MYT1L: variants seen among roughly 807,000 people sequenced by gnomAD.
MYT1L encodes myelin transcription factor 1-like protein.
Under a neutral mutation model 126.7 loss-of-function variants are expected in MYT1L, and 12 were observed. That is an observed-to-expected ratio of 0.09 (90% CI 0.06 to 0.15). The LOEUF (loss-of-function observed/expected upper bound fraction) is 0.15. Ranked by LOEUF, MYT1L falls within the 10% of genes least tolerant of loss-of-function variation. The pLI is 1.00. For synonymous variants in MYT1L, 541 were observed against 604.2 expected (o/e 0.90, Z 1.53); for missense variants, 979 against 1,585.2 (o/e 0.62, Z 6.49).
intron 3 of MYT1L, among the ~76,000 whole-genome samples, chr2:2,140,245 T>C (rs2083744618): frequency 6.6e-6 from 1 of 152,112 alleles, no homozygotes; most frequent in African/African-American, 2.4e-5. Context: ...TTTTAAAATG[T>C]GCCATAGCAA....
intron 3 of MYT1L, among the ~76,000 whole-genome samples, chr2:2,129,131 C>T (rs1284296677): frequency 6.6e-6 from 1 of 152,194 alleles, no homozygotes; most frequent in Non-Finnish European, 1.5e-5. Context: ...CGCTAATCCA[C>T]AAACCCAGAG....
chr2:1,910,480 G>C lies in MYT1L; in HGVS notation c.1710-133C>G. 1 of 744,400 alleles carries C rather than the reference G, an allele frequency of 1.3e-6. No individual in the cohort carries two copies. The highest frequency in any genetic ancestry group is 2.3e-6 in the Non-Finnish European group (1 of 439,256). The allele number at this position is 744,400 out of a possible 1,614,324, so 46.1% of individuals were successfully genotyped here. A position where few individuals can be genotyped will look rare whatever the true frequency, so the allele number is the denominator to read the frequency against. On this transcript the variant is annotated intron_variant, in intron 12 of 24. Transcript: ENST00000647738. The surrounding 1 kb of genome is among the most constrained non-coding windows in gnomAD (Gnocchi z 4.8). ...GGGTAGTTTCCCAAACCTGGCACAGGCAGTCCTGATGGGTGGACTGGGAGA... is the reference window on the plus strand; with the variant it reads ...GGGTAGTTTCCCAAACCTGGCACAGCCAGTCCTGATGGGTGGACTGGGAGA...
chr2:1,910,555 A>T lies in MYT1L; in HGVS notation c.1710-208T>A, dbSNP rs973995028. Among the ~76,000 whole-genome samples the T allele has an allele frequency of 1.3e-5, 2 of 152,192 alleles. No homozygotes were observed. The highest frequency in any genetic ancestry group is 6.5e-5 in the Admixed American group (1 of 15,280). ...TGCATGCTTTCTGCTGGTCTCCAGC[A>T]GAGAATGCTGGCGGCAGTGCTATGT... On this transcript the variant is annotated intron_variant, in intron 12 of 24. Coordinates refer to ENST00000647738, the MANE Select transcript of MYT1L (RefSeq NM_001303052.2). The surrounding 1 kb of genome is among the most constrained non-coding windows in gnomAD (Gnocchi z 4.8).
intron 2 of MYT1L, among the ~76,000 whole-genome samples, chr2:2,283,377 G>A (rs1192004777): frequency 6.6e-6 from 1 of 152,192 alleles, no homozygotes; most frequent in Non-Finnish European, 1.5e-5. Context: ...CTCTCTGGCA[G>A]TTTGACGTTA....
At chr2:1,794,283 C>T (rs1404585943) in intron 23 of MYT1L, among the ~76,000 whole-genome samples, 4 of 152,358 alleles carry the variant, frequency 2.6e-5, no homozygotes, top group Non-Finnish European at 5.9e-5. Flanking sequence ...AGCGGGCCCT[C>T]CTGGATGAGC....
chr2:2,223,636 A>AT (rs1284364018), intron 2 of MYT1L, among the ~76,000 whole-genome samples: 1 of 152,150 alleles, frequency 6.6e-6, no homozygotes. Context: ...TTGCCCTCAT[A>AT]TTTTTTTACA....
chr2:1,793,910 G>C lies in MYT1L; in HGVS notation c.3277-1446C>G, dbSNP rs1037005710. 2.0e-5 allele frequency among the ~76,000 whole-genome samples: 3 copies of C among 152,306 alleles called. 1 individual carries two copies. The South Asian group carries it at 6.2e-4, about 32-fold the overall frequency. ...GTGGGCCTCGAAGGGCTGCGTGCCC[G>C]GTGCTTGTCTTCCAGAGCGTTCTGT... On this transcript the variant is annotated intron_variant, in intron 23 of 24. Coordinates refer to ENST00000647738, the MANE Select transcript of MYT1L (RefSeq NM_001303052.2). This position sits in a 1 kb window ranked among gnomAD's most constrained non-coding sequence, Gnocchi z 4.6.
chr2:1,826,042 C>T (rs187994112), intron 21 of MYT1L: 19 of 152,296 alleles, frequency 1.2e-4, no homozygotes, highest in African/African-American at 4.3e-4. Context: ...GCAGGACAGT[C>T]GGGCCTGACA....
At chr2:2,165,857 T>C (rs914367499) in intron 3 of MYT1L, among the ~76,000 whole-genome samples, 1 of 151,336 alleles carries the variant, frequency 6.6e-6, no homozygotes, top group African/African-American at 2.4e-5. Flanking sequence ...AAATCTTTTA[T>C]TTTTCTACTT....
intron 23 of MYT1L, chr2:1,795,642 G>A (rs1022227456): frequency 6.6e-6 from 1 of 152,254 alleles, no homozygotes; most frequent in Non-Finnish European, 1.5e-5. Flanking sequence ...CGGCCACCTC[G>A]GCCGTCATCA....
At chr2:2,266,808 C>T (rs1327768023) in intron 2 of MYT1L, among the ~76,000 whole-genome samples, 1 of 152,122 alleles carries the variant, frequency 6.6e-6, no homozygotes, top group Non-Finnish European at 1.5e-5. Context: ...AAGGGCTTTC[C>T]CCTTTTGCTT....
chr2:1,981,330 A>C (rs781423611), intron 5 of MYT1L, among the ~76,000 whole-genome samples: 1 of 152,216 alleles, frequency 6.6e-6, no homozygotes, highest in South Asian at 2.1e-4. Context: ...TTTAATACCA[A>C]AACAAAAACT....
intron 2 of MYT1L, among the ~76,000 whole-genome samples, chr2:2,217,420 T>A (rs1293594039): frequency 6.6e-6 from 1 of 152,012 alleles, no homozygotes; most frequent in Non-Finnish European, 1.5e-5. Context: ...CGGTGGCTCA[T>A]GCCTGTAATC....
At chr2:1,937,051 AT>A (rs1309815392) in intron 9 of MYT1L, among the ~76,000 whole-genome samples, 1 of 152,146 alleles carries the variant, frequency 6.6e-6, no homozygotes. Flanking sequence ...CCGTTAGAAA[AT>A]TGTCCCATGC....
At chr2:2,273,935 A>T (rs1365492163) in intron 2 of MYT1L, among the ~76,000 whole-genome samples, 1 of 152,194 alleles carries the variant, frequency 6.6e-6, no homozygotes, top group Non-Finnish European at 1.5e-5. Flanking sequence ...TTAAAACACA[A>T]AAAATTGCTG....
intron 3 of MYT1L, among the ~76,000 whole-genome samples, chr2:2,061,600 A>G (rs561855570): frequency 6.6e-6 from 1 of 152,232 alleles, no homozygotes; most frequent in South Asian, 2.1e-4. Flanking sequence ...AAGAACTTTG[A>G]TGCCCTCTTC....
At chr2:2,313,207 A>G (rs868812935) in intron 1 of MYT1L, among the ~76,000 whole-genome samples, 1 of 152,278 alleles carries the variant, frequency 6.6e-6, no homozygotes, top group African/African-American at 2.4e-5. Flanking sequence ...CAGCATCTTT[A>G]TAAAAAGTAA....
chr2:1,910,437 G>A lies in MYT1L; in HGVS notation c.1710-90C>T. 8.3e-7 allele frequency: 1 copy of A among 1,208,008 alleles called. No individual in the cohort carries two copies. The highest frequency in any genetic ancestry group is 1.5e-5 in the African/African-American group (1 of 67,178). The allele number at this position is 1,208,008 out of a possible 1,614,324, so 74.8% of individuals were successfully genotyped here. ...CCTTAGCACCAAGACCCTGATGCAG[G>A]TGGAGCTGGTGAGGGAGGGGTAGTT... On this transcript the variant is annotated intron_variant, in intron 12 of 24. Coordinates refer to ENST00000647738, the MANE Select transcript of MYT1L (RefSeq NM_001303052.2). This position sits in a 1 kb window ranked among gnomAD's most constrained non-coding sequence, Gnocchi z 4.8.
intron 4 of MYT1L, among the ~76,000 whole-genome samples, chr2:2,004,189 G>T (rs2062793988): frequency 6.7e-6 from 1 of 149,318 alleles, no homozygotes; most frequent in South Asian, 2.2e-4. Flanking sequence ...CTCCTTTCCT[G>T]CAGGCGTTCT....
Sources: gnomAD v4.1 joint callset for allele counts (sites outside exome capture counted in the v4.1 genomes callset) on GRCh38, gnomAD v4.1.1 for gene constraint, Gnocchi (gnomAD v3.1) non-coding constraint, MANE v1.5 for transcripts, NCBI Gene and HGNC (gene_info 2026-07-23, HGNC 2026-07-21) for gene names.